PLCL1: variants seen among roughly 807,000 people sequenced by gnomAD.
PLCL1 encodes phospholipase C like 1 (inactive).
PLCL1 carries 41 observed loss-of-function variants against 84.4 expected under a neutral mutation model. That is an observed-to-expected ratio of 0.49 (90% CI 0.38 to 0.63). PLCL1 has a LOEUF of 0.63. Ranked by LOEUF, PLCL1 falls within the 30% of genes least tolerant of loss-of-function variation. The probability of loss-of-function intolerance (pLI) is 0.00; values close to 1 mark genes in which losing one functional copy is unlikely to be tolerated. For missense variants in PLCL1, 1,206 were observed against 1,367.8 expected (o/e 0.88, Z 1.87); for synonymous variants, 490 against 488.3 (o/e 1.00, Z -0.05).
rs78981355 is a variant in PLCL1, at chr2:197,924,136, G to GGGGAGAGGGAGAGGGAGA, written c.240+118830_240+118847dup. Reference sequence around the variant, plus strand: ...CGGCTCCGCATGAGAGGGAGACCGTGGGGAGAGGGAGAGGGAGAGGGAGAG... The same window carrying GGGGAGAGGGAGAGGGAGA: ...CGGCTCCGCATGAGAGGGAGACCGTGGGGAGAGGGAGAGGGAGAGGGAGAGGGAGAGGGAGAGGGAGAG... On this transcript the variant is annotated intron_variant, in intron 1 of 5. Transcript: ENST00000428675. 3.4e-3 allele frequency among the ~76,000 whole-genome samples: 305 copies of GGGGAGAGGGAGAGGGAGA among 90,246 alleles called. 1 individual carries two copies. The highest frequency in any genetic ancestry group is 0.015 in the Middle Eastern group (2 of 136). The allele number at this position is 90,246 out of a possible 152,430, so 59.2% of individuals were successfully genotyped here. A position where few individuals can be genotyped will look rare whatever the true frequency, so the allele number is the denominator to read the frequency against.
chr2:198,004,568 G>C (rs1292221896), intron 1 of PLCL1, among the ~76,000 whole-genome samples: 4 of 152,110 alleles, frequency 2.6e-5, no homozygotes, highest in Non-Finnish European at 5.9e-5. Flanking sequence ...TGTGGCTCTT[G>C]AAAGAAATAC....
chr2:197,935,151 G>T (rs905521307), intron 1 of PLCL1, among the ~76,000 whole-genome samples: 2 of 152,188 alleles, frequency 1.3e-5, no homozygotes, highest in Non-Finnish European at 2.9e-5. Context: ...TGGTGAGTTT[G>T]CAGAGAAAAG....
chr2:198,021,782 C>T (rs1691139975), intron 1 of PLCL1, among the ~76,000 whole-genome samples: 1 of 152,112 alleles, frequency 6.6e-6, no homozygotes, highest in African/African-American at 2.4e-5. Context: ...AAGACCAGGA[C>T]CAGACAGATT....
chr2:198,058,429 TATTAA>T (rs1191517449), intron 1 of PLCL1, among the ~76,000 whole-genome samples: 7 of 152,004 alleles, frequency 4.6e-5, no homozygotes, highest in African/African-American at 1.7e-4. Context: ...ATCAAAATAA[TATTAA>T]ATTATAGTCA....
chr2:197,948,925 T>C (rs1452413276), intron 1 of PLCL1, among the ~76,000 whole-genome samples: 1 of 152,192 alleles, frequency 6.6e-6, no homozygotes, highest in East Asian at 1.9e-4. Context: ...TCTAGTCCCA[T>C]GTCTCTGATC....
intron 1 of PLCL1, among the ~76,000 whole-genome samples, chr2:198,042,790 T>A (rs548782465): frequency 6.6e-6 from 1 of 152,142 alleles, no homozygotes; most frequent in Non-Finnish European, 1.5e-5. Flanking sequence ...ACCTTGGGCA[T>A]GGAGAAACAG....
chr2:197,955,974 C>T (rs572388335), intron 1 of PLCL1, among the ~76,000 whole-genome samples: 20 of 151,918 alleles, frequency 1.3e-4, no homozygotes, highest in African/African-American at 4.3e-4. Context: ...TCCCCTTGCC[C>T]CCCATCCTCT....
In PLCL1 at chr2:197,935,979, A is replaced by G. The variant is rs1302433318; in HGVS notation, c.240+130640A>G. On this transcript the variant is annotated intron_variant, in intron 1 of 5. Coordinates refer to ENST00000428675, the MANE Select transcript of PLCL1 (RefSeq NM_006226.4). The stretch of plus-strand genomic sequence containing the variant: ...AGTTCAGCTTTTTTAGATTCCACAT[A>G]TAAGTGAGATCATGCAGTATTTGTT... Among the ~76,000 whole-genome samples the G allele has an allele frequency of 3.3e-5, 5 of 152,142 alleles. No individual in the cohort carries two copies. The East Asian group carries it at 5.8e-4, about 18-fold the overall frequency.
At chr2:197,808,059 A>G (rs1444592679) in intron 1 of PLCL1, among the ~76,000 whole-genome samples, 3 of 152,216 alleles carry the variant, frequency 2.0e-5, no homozygotes, top group Non-Finnish European at 2.9e-5. Flanking sequence ...AATTCTTTCT[A>G]CTGACATTGT....
intron 1 of PLCL1, among the ~76,000 whole-genome samples, chr2:197,941,295 A>AT (rs34230346): frequency 0.044 from 6,291 of 143,678 alleles, 428 homozygotes; most frequent in African/African-American, 0.14. Context: ...GGGGAATACT[A>AT]TTTTTTTTTT....
At chr2:197,893,058 G>A (rs1688060501) in intron 1 of PLCL1, among the ~76,000 whole-genome samples, 1 of 152,140 alleles carries the variant, frequency 6.6e-6, no homozygotes, top group Admixed American at 6.5e-5. Context: ...CAGAATAAGA[G>A]GTTTGAAGTT....
At chr2:197,897,044 A>AAC (rs1688148413) in intron 1 of PLCL1, among the ~76,000 whole-genome samples, 1 of 152,200 alleles carries the variant, frequency 6.6e-6, no homozygotes, top group African/African-American at 2.4e-5. Context: ...GATTAAGCCA[A>AAC]ACAGTATAGT....
intron 1 of PLCL1, among the ~76,000 whole-genome samples, chr2:197,914,926 G>C (rs377181466): frequency 2.2e-4 from 33 of 152,278 alleles, no homozygotes; most frequent in Non-Finnish European, 4.0e-4. Context: ...GAGTAACACA[G>C]TGTCTGAGAA....
At chr2:197,938,390 T>A (rs980657004) in intron 1 of PLCL1, among the ~76,000 whole-genome samples, 1 of 152,234 alleles carries the variant, frequency 6.6e-6, no homozygotes, top group Admixed American at 6.5e-5. Context: ...AATAGTTTCC[T>A]CAAACTTGTC....
chr2:197,831,873 C>T (rs1208383308), intron 1 of PLCL1, among the ~76,000 whole-genome samples: 1 of 150,756 alleles, frequency 6.6e-6, no homozygotes, highest in Non-Finnish European at 1.5e-5. Flanking sequence ...CTCAGAACCG[C>T]ACTACATGGA....
chr2:198,068,898 A>C (rs571815209), intron 1 of PLCL1, among the ~76,000 whole-genome samples: 1 of 152,004 alleles, frequency 6.6e-6, no homozygotes, highest in Admixed American at 6.5e-5. Flanking sequence ...TGGCAGGCGC[A>C]GTGGCAGGCA....
chr2:197,815,529 C>G (rs1374774629), intron 1 of PLCL1, among the ~76,000 whole-genome samples: 1 of 152,090 alleles, frequency 6.6e-6, no homozygotes. Context: ...GAAATTTTGA[C>G]TTTCAGGTAT....
At chr2:198,061,598 C>CATTATTATT (rs34942811) in intron 1 of PLCL1, among the ~76,000 whole-genome samples, 1 of 150,916 alleles carries the variant, frequency 6.6e-6, no homozygotes, top group African/African-American at 2.4e-5. Context: ...AATGTATCGT[C>CATTATTATT]ATTATTATTA....
At chr2:197,989,728 A>G (rs1223356540) in intron 1 of PLCL1, among the ~76,000 whole-genome samples, 1 of 151,788 alleles carries the variant, frequency 6.6e-6, no homozygotes, top group Non-Finnish European at 1.5e-5. Context: ...CAAAACAAAA[A>G]ACAAAAAAAA....
Sources: allele counts gnomAD v4.1 joint callset (sites outside exome capture counted in the v4.1 genomes callset), GRCh38; gene constraint gnomAD v4.1.1; transcripts MANE v1.5; gene names NCBI Gene and HGNC (gene_info 2026-07-23, HGNC 2026-07-21).